CARMIL1: variants seen among roughly 807,000 people sequenced by gnomAD.
CARMIL1 encodes capping protein regulator and myosin 1 linker 1.
In CARMIL1, 90 loss-of-function variants were observed where a neutral mutation model predicts 177.1. That is an observed-to-expected ratio of 0.51 (90% CI 0.43 to 0.61). The LOEUF (loss-of-function observed/expected upper bound fraction) is 0.61. Ranked by LOEUF, CARMIL1 falls within the 20% of genes least tolerant of loss-of-function variation. CARMIL1 has a pLI of 0.00. For missense variants in CARMIL1, 1,380 were observed against 1,667.0 expected, an observed-to-expected ratio of 0.83 and a Z score of 3.00; for synonymous variants, 577 against 606.2, an observed-to-expected ratio of 0.95 and a Z score of 0.71.
At chr6:25,581,210 G>A in intron 30 of CARMIL1, 33 bp from the exon 31 acceptor site, 1 of 1,590,408 alleles carries the variant, frequency 6.3e-7, no homozygotes, top group Non-Finnish European at 8.6e-7. Flanking sequence ...TTGGCCTTGG[G>A]CTGTTTTTTT....
chr6:25,440,758 G>A (rs1201754589), intron 5 of CARMIL1, among the ~76,000 whole-genome samples: 1 of 152,062 alleles, frequency 6.6e-6, no homozygotes, highest in Non-Finnish European at 1.5e-5. Context: ...TTCCACTCAT[G>A]ATAAATTGGA....
chr6:25,322,498 A>G (rs1224883226), intron 2 of CARMIL1, among the ~76,000 whole-genome samples: 2 of 152,260 alleles, frequency 1.3e-5, no homozygotes, highest in Non-Finnish European at 2.9e-5. Flanking sequence ...AAACACACAT[A>G]TGCACATACA....
intron 2 of CARMIL1, among the ~76,000 whole-genome samples, chr6:25,288,203 A>G (rs1448165285): frequency 6.6e-6 from 1 of 152,192 alleles, no homozygotes; most frequent in Admixed American, 6.6e-5. Flanking sequence ...GTTCTGGACA[A>G]AGGGAACAGA....
Position 25,414,954 on chromosome 6 carries a change from C to G in CARMIL1, c.139-5160C>G, listed in dbSNP as rs1381772819. Among the ~76,000 whole-genome samples the G allele has an allele frequency of 1.3e-5, 2 of 152,316 alleles. 1 individual carries two copies. ...ATCTGTATCCAACTTCTGAAGGACA[C>G]TGTGTACTTCCACTGCCTGTAAAAT... On this transcript the variant is annotated intron_variant, in intron 2 of 36. Coordinates refer to ENST00000329474, the MANE Select transcript of CARMIL1 (RefSeq NM_017640.6).
At chr6:25,489,862 C>T (rs1050198534) in intron 13 of CARMIL1, among the ~76,000 whole-genome samples, 2 of 151,992 alleles carry the variant, frequency 1.3e-5, no homozygotes, top group South Asian at 4.2e-4. Context: ...TCTGCTCCCC[C>T]CCAAAATAAA....
chr6:25,525,595 A>C (rs1807016762), intron 23 of CARMIL1, among the ~76,000 whole-genome samples: 1 of 152,230 alleles, frequency 6.6e-6, no homozygotes, highest in African/African-American at 2.4e-5. Flanking sequence ...TTTTCTTATT[A>C]TGAATGATGT....
rs779142269 is a variant in CARMIL1, at chr6:25,600,525, A to T, written c.3331A>T (p.Thr1111Ser). The T allele has an allele frequency of 8.7e-6, 14 of 1,614,074 alleles. No individual in the cohort carries two copies. The highest frequency in any genetic ancestry group is 1.6e-4 in the Middle Eastern group (1 of 6,062). Residue 1111 changes from threonine (T) to serine (S), a missense_variant, in exon 33 of 37, where the codon ACA (threonine) becomes TCA (serine). By Grantham distance (58) the Thr-to-Ser change is moderately conservative. Coordinates refer to ENST00000329474, the MANE Select transcript of CARMIL1 (RefSeq NM_017640.6). ...SPPVDCPRKD[T>S]KAAEHNGNSE... is the part of the protein sequence containing the mutation. ...ACCTGTGGACTGTCCCAGGAAGGACACAAAGGCCGCCGAGCACAATGGCAA... is the reference window on the plus strand; with the variant it reads ...ACCTGTGGACTGTCCCAGGAAGGACTCAAAGGCCGCCGAGCACAATGGCAA...
chr6:25,535,900 A>AT (rs1394246132), intron 24 of CARMIL1, among the ~76,000 whole-genome samples: 1 of 152,146 alleles, frequency 6.6e-6, no homozygotes, highest in Non-Finnish European at 1.5e-5. Context: ...GAGACATGAG[A>AT]TTTTATGTCT....
chr6:25,395,493 A>G (rs139644944), intron 2 of CARMIL1, among the ~76,000 whole-genome samples: 248 of 152,354 alleles, frequency 1.6e-3, no homozygotes, highest in African/African-American at 5.7e-3. Flanking sequence ...TCCTTGATCA[A>G]TATCTCTGAA....
chr6:25,491,030 G>A (rs1393247745), intron 13 of CARMIL1, among the ~76,000 whole-genome samples: 2 of 152,204 alleles, frequency 1.3e-5, no homozygotes, highest in Non-Finnish European at 2.9e-5. Flanking sequence ...TCTGGCAGTT[G>A]CTACACATAC....
At chr6:25,455,596 T>C (rs942933635) in intron 8 of CARMIL1, among the ~76,000 whole-genome samples, 2 of 152,248 alleles carry the variant, frequency 1.3e-5, no homozygotes, top group African/African-American at 4.8e-5. Context: ...ACCACCCTGC[T>C]CCAGTTGGCA....
chr6:25,295,485 T>G (rs1782310901), intron 2 of CARMIL1, among the ~76,000 whole-genome samples: 1 of 152,234 alleles, frequency 6.6e-6, no homozygotes, highest in Non-Finnish European at 1.5e-5. Context: ...TTGCCATCAT[T>G]GCCTAATAGG....
At chr6:25,431,442 G>A (rs1796778656) in intron 4 of CARMIL1, among the ~76,000 whole-genome samples, 4 of 151,972 alleles carry the variant, frequency 2.6e-5, no homozygotes, top group African/African-American at 7.3e-5. Flanking sequence ...AGAAACTGGA[G>A]TTTGAAAGAA....
rs377548646 is a variant in CARMIL1, at chr6:25,387,114, C to CAAAAAAAAAAAAAAA, written c.139-32995_139-32981dup. Reference sequence around the variant, plus strand: ...GGGTGACAGAGTGAGACTCTGTCTCCAAAAAAAAAAAAAAAAAAATCACAA... The same window carrying CAAAAAAAAAAAAAAA: ...GGGTGACAGAGTGAGACTCTGTCTCCAAAAAAAAAAAAAAAAAAAAAAAAAAAAAAAAAATCACAA... On this transcript the variant is annotated intron_variant, in intron 2 of 36. Coordinates refer to ENST00000329474, the MANE Select transcript of CARMIL1 (RefSeq NM_017640.6). 5.1e-4 allele frequency among the ~76,000 whole-genome samples: 52 copies of CAAAAAAAAAAAAAAA among 101,914 alleles called. 3 individuals are homozygous for CAAAAAAAAAAAAAAA. Among genetic ancestry groups the CAAAAAAAAAAAAAAA allele is most frequent in the African/African-American group, 1.8e-3 (41 of 22,500 alleles). The allele number at this position is 101,914 out of a possible 152,430, so 66.9% of individuals were successfully genotyped here.
chr6:25,419,330 T>A (rs1016061299), intron 2 of CARMIL1, among the ~76,000 whole-genome samples: 3 of 152,232 alleles, frequency 2.0e-5, no homozygotes, highest in Non-Finnish European at 4.4e-5. Context: ...CTTGGAGTTT[T>A]CTTTCTTTAT....
chr6:25,514,535 A>G (rs1805778992), intron 20 of CARMIL1, among the ~76,000 whole-genome samples: 1 of 140,558 alleles, frequency 7.1e-6, no homozygotes, highest in Non-Finnish European at 1.5e-5. Flanking sequence ...GGGGGGACAG[A>G]GCGAGACCTT....
intron 10 of CARMIL1, among the ~76,000 whole-genome samples, chr6:25,472,109 T>C (rs140943637): frequency 3.9e-5 from 6 of 152,250 alleles, no homozygotes; most frequent in African/African-American, 1.4e-4. Context: ...GAAAAGCAGG[T>C]TCAATCCAGG....
intron 2 of CARMIL1, chr6:25,287,402 T>C (rs1274742928): frequency 6.6e-6 from 1 of 152,252 alleles, no homozygotes; most frequent in East Asian, 1.9e-4. Flanking sequence ...CCTATAATCA[T>C]AATAGCTAAT....
chr6:25,295,994 C>T (rs933601767), intron 2 of CARMIL1, among the ~76,000 whole-genome samples: 4 of 152,218 alleles, frequency 2.6e-5, no homozygotes, highest in African/African-American at 9.7e-5. Context: ...ATGGCACTTT[C>T]ATTAGATGAA....
Sources: allele counts gnomAD v4.1 joint callset (sites outside exome capture counted in the v4.1 genomes callset), GRCh38; gene constraint gnomAD v4.1.1; transcripts MANE v1.5; gene names NCBI Gene and HGNC (gene_info 2026-07-23, HGNC 2026-07-21).